Variants in TULP3 observed in about 807,000 individuals in gnomAD.
The protein encoded by TULP3 is TUB like protein 3.
TULP3 carries 38 observed loss-of-function variants against 50.7 expected under a neutral mutation model. The ratio of observed to expected loss-of-function variants is 0.75; its 90% CI spans 0.58 to 0.98. TULP3 has a LOEUF of 0.98. TULP3 is among the 50% of genes least tolerant of loss of function. The probability of loss-of-function intolerance (pLI) is 0.00; values close to 1 mark genes in which losing one functional copy is unlikely to be tolerated. For synonymous variants in TULP3, 183 were observed against 196.6 expected, an observed-to-expected ratio of 0.93 and a Z score of 0.58; for missense variants, 550 against 568.0, an observed-to-expected ratio of 0.97 and a Z score of 0.32.
chr12:2,897,043 C>A, intron 1 of TULP3, among the ~76,000 whole-genome samples: 1 of 152,174 alleles, frequency 6.6e-6, no homozygotes. Flanking sequence ...GAGTCTCGCT[C>A]TGTCGCCTAG....
At chr12:2,926,175 T>G (rs369883427) in intron 4 of TULP3, among the ~76,000 whole-genome samples, 226 of 152,276 alleles carry the variant, frequency 1.5e-3, no homozygotes, top group African/African-American at 4.9e-3. Flanking sequence ...GATAGTGATA[T>G]CTCAGGAGTT....
intron 2 of TULP3, among the ~76,000 whole-genome samples, chr12:2,912,686 T>G (rs1010359025): frequency 2.0e-5 from 3 of 152,324 alleles, no homozygotes; most frequent in African/African-American, 7.2e-5. Flanking sequence ...AGAATCACTT[T>G]CTAGTGAACT....
chr12:2,899,740 A>G (rs2153947889), intron 1 of TULP3, among the ~76,000 whole-genome samples: 1 of 151,990 alleles, frequency 6.6e-6, no homozygotes, highest in East Asian at 1.9e-4. Flanking sequence ...AAAAATACAA[A>G]AAATTAGCCG....
intron 3 of TULP3, 27 bp from the exon 4 acceptor site, chr12:2,922,235 T>A (rs1380249812): frequency 6.2e-7 from 1 of 1,604,604 alleles, no homozygotes; most frequent in Non-Finnish European, 8.5e-7. Context: ...GCTCCTTTTT[T>A]AAAATTCATT....
chr12:2,904,479 A>C (rs962121385), intron 1 of TULP3, among the ~76,000 whole-genome samples: 2 of 152,174 alleles, frequency 1.3e-5, no homozygotes, highest in Non-Finnish European at 2.9e-5. Context: ...CTGGGACCAC[A>C]GGCTCATGGC....
chr12:2,903,790 TTTG>T (rs1311747013), intron 1 of TULP3, among the ~76,000 whole-genome samples: 11 of 151,982 alleles, frequency 7.2e-5, no homozygotes, highest in East Asian at 1.9e-4. Context: ...TGTTTGTTTG[TTTG>T]TTTTGAGATG....
intron 4 of TULP3, among the ~76,000 whole-genome samples, chr12:2,929,452 G>A (rs1397905856): frequency 1.3e-5 from 2 of 152,162 alleles, no homozygotes. Context: ...CAGACACACA[G>A]GTACCATCGT....
rs1325526741 is a variant in TULP3 at position 2,922,360 on chromosome 12, A to G, written c.352A>G (p.Thr118Ala). ...AGAAGATGCTGAAAACACCGTGGAT[A>G]CTGCTTCCAAGCCAGGACTTCAGGA... ...VEEDAENTVD[T>A]ASKPGLQERL... The change falls in exon 4 of 11, where the codon ACT (threonine) becomes GCT (alanine). Residue 118 changes from threonine to alanine, a missense_variant. Coordinates refer to ENST00000448120, the MANE Select transcript of TULP3 (RefSeq NM_003324.5). The G allele has an allele frequency of 1.8e-5, 29 of 1,614,008 alleles. No individual in the cohort carries two copies. The highest frequency in any genetic ancestry group is 2.4e-5 in the Non-Finnish European group (28 of 1,180,030).
intron 1 of TULP3, among the ~76,000 whole-genome samples, chr12:2,893,468 G>A (rs973910992): frequency 2.0e-5 from 3 of 151,778 alleles, no homozygotes; most frequent in African/African-American, 7.3e-5. Context: ...TTACAGGCAT[G>A]CGCCACCGTG....
intron 4 of TULP3, among the ~76,000 whole-genome samples, chr12:2,923,098 G>A (rs1199992339): frequency 1.3e-5 from 2 of 151,906 alleles, no homozygotes; most frequent in South Asian, 2.1e-4. Context: ...CTGGTGATCC[G>A]CCCGCCTCGG....
chr12:2,894,756 T>C (rs574840218), intron 1 of TULP3, among the ~76,000 whole-genome samples: 55 of 151,848 alleles, frequency 3.6e-4, no homozygotes, highest in Non-Finnish European at 6.6e-4. Context: ...TAGCCAGTTA[T>C]GGTGGTGTGT....
chr12:2,921,306 A>AT (rs1470981664), intron 3 of TULP3, among the ~76,000 whole-genome samples: 1 of 150,592 alleles, frequency 6.6e-6, no homozygotes. Flanking sequence ...TGCCCGGCTA[A>AT]TTTTTTTATA....
At chr12:2,905,346 C>T (rs1268615853) in intron 1 of TULP3, among the ~76,000 whole-genome samples, 2 of 151,592 alleles carry the variant, frequency 1.3e-5, no homozygotes, top group African/African-American at 4.8e-5. Flanking sequence ...CCACCACGCC[C>T]AGCTAATTTT....
chr12:2,929,311 C>T (rs1432952371), intron 4 of TULP3, among the ~76,000 whole-genome samples: 11 of 151,358 alleles, frequency 7.3e-5, no homozygotes, highest in African/African-American at 1.9e-4. Flanking sequence ...AGCGAGACTC[C>T]GTCTCAAAAA....
In TULP3 at chr12:2,940,478, A is replaced by G; in HGVS notation, c.*1034A>G. The G allele has an allele frequency of 6.7e-7, 1 of 1,492,848 alleles. No homozygotes were observed. The highest frequency in any genetic ancestry group is 8.9e-7 in the Non-Finnish European group (1 of 1,119,182). 92.5% of individuals were successfully genotyped at this position (1,492,848 alleles called of 1,614,324 possible). ...GGTGTTTTGCTACGTTTTTTTGATT[A>G]TTACACCCCTCCACGTATTATGTGA... On this transcript the variant is annotated 3_prime_UTR_variant, in exon 11 of 11. Transcript: ENST00000448120.
chr12:2,927,264 C>G (rs2098195216), intron 4 of TULP3, among the ~76,000 whole-genome samples: 1 of 151,858 alleles, frequency 6.6e-6, no homozygotes, highest in Non-Finnish European at 1.5e-5. Flanking sequence ...TTTTGTTGAT[C>G]AGCTGATGGA....
intron 2 of TULP3, among the ~76,000 whole-genome samples, chr12:2,919,446 C>A (rs765680022): frequency 6.6e-6 from 1 of 152,116 alleles, no homozygotes; most frequent in Non-Finnish European, 1.5e-5. Context: ...TCTCATCAGC[C>A]CAGTTCAGGA....
At chr12:2,903,587 A>G (rs1196499449) in intron 1 of TULP3, among the ~76,000 whole-genome samples, 1 of 152,070 alleles carries the variant, frequency 6.6e-6, no homozygotes, top group Non-Finnish European at 1.5e-5. Context: ...GAAAAAAGAA[A>G]AAAATGAAAT....
intron 1 of TULP3, among the ~76,000 whole-genome samples, chr12:2,891,880 C>T (rs1267005328): frequency 5.3e-5 from 8 of 151,676 alleles, no homozygotes; most frequent in African/African-American, 1.9e-4. Context: ...ATAGCGAGAC[C>T]CCCATCTCTA....
Sources: gnomAD v4.1 joint callset for allele counts (sites outside exome capture counted in the v4.1 genomes callset) on GRCh38, gnomAD v4.1.1 for gene constraint, MANE v1.5 for transcripts, NCBI Gene and HGNC (gene_info 2026-07-23, HGNC 2026-07-21) for gene names.